CHMP3: variants seen among roughly 807,000 people sequenced by gnomAD.
CHMP3 encodes charged multivesicular body protein 3.
CHMP3 carries 8 observed loss-of-function variants against 27.4 expected under a neutral mutation model. That is an observed-to-expected ratio of 0.29 (90% CI 0.17 to 0.53). The LOEUF (loss-of-function observed/expected upper bound fraction) is 0.53, where lower values mean the gene tolerates loss of function less well. CHMP3 is among the 20% of genes least tolerant of loss of function. The pLI, the probability that CHMP3 is intolerant of heterozygous loss-of-function variation, is 0.96. For missense variants in CHMP3, 208 were observed against 271.5 expected (o/e 0.77, Z 1.64); for synonymous variants, 86 against 85.5 (o/e 1.01, Z -0.03).
intron 1 of CHMP3, among the ~76,000 whole-genome samples, chr2:86,551,390 G>A (rs1006668450): frequency 2.6e-5 from 4 of 151,848 alleles, no homozygotes; most frequent in African/African-American, 9.7e-5. Flanking sequence ...CCAAGTAGCT[G>A]GGACTATAGA....
chr2:86,550,612 T>G (rs943645995), intron 1 of CHMP3, among the ~76,000 whole-genome samples: 1 of 152,260 alleles, frequency 6.6e-6, no homozygotes, highest in Non-Finnish European at 1.5e-5. Context: ...CGTAATCATA[T>G]AAATGGTAAT....
At chr2:86,525,250 A>G (rs1297587914) in intron 3 of CHMP3, among the ~76,000 whole-genome samples, 2 of 152,236 alleles carry the variant, frequency 1.3e-5, no homozygotes, top group East Asian at 3.8e-4. Flanking sequence ...GTACAATTAT[A>G]AAACTATTTC....
At chr2:86,518,718 G>T (rs1394919153) in intron 3 of CHMP3, among the ~76,000 whole-genome samples, 1 of 151,962 alleles carries the variant, frequency 6.6e-6, no homozygotes, top group Non-Finnish European at 1.5e-5. Context: ...TTTCCTCCTA[G>T]TTGTGACAAC....
At chr2:86,508,529 A>T (rs1243572641) in intron 4 of CHMP3, among the ~76,000 whole-genome samples, 2 of 152,114 alleles carry the variant, frequency 1.3e-5, no homozygotes, top group East Asian at 3.9e-4. Flanking sequence ...GGTTTCTGAG[A>T]AGTTGCTAGA....
chr2:86,531,137 G>A (rs969417699), intron 2 of CHMP3, among the ~76,000 whole-genome samples: 8 of 151,834 alleles, frequency 5.3e-5, no homozygotes, highest in Middle Eastern at 3.4e-3. Flanking sequence ...CTTTTCCTCC[G>A]TTGGTAACAT....
At chr2:86,549,877 G>A (rs188882361) in intron 1 of CHMP3, among the ~76,000 whole-genome samples, 11,280 of 148,448 alleles carry the variant, frequency 0.076, 452 homozygotes, top group African/African-American at 0.081. Flanking sequence ...GGGCAGAGGC[G>A]CTCCTCGCCT....
chr2:86,503,849 C>T lies in CHMP3; in HGVS notation c.*1955G>A, dbSNP rs1482050943. 6.6e-6 allele frequency: 1 copy of T among 152,136 alleles called. No individual in the cohort carries two copies. Among genetic ancestry groups the T allele is most frequent in the Non-Finnish European group, 1.5e-5 (1 of 68,034 alleles). The allele number at this position is 152,136 out of a possible 1,614,324, so 9.4% of individuals were successfully genotyped here. On this transcript the variant is annotated 3_prime_UTR_variant, in exon 6 of 6. Transcript: ENST00000263856. Reference sequence around the variant, plus strand: ...TATCCTTAACAAACTAACATAGGAACAGGAAACCAAATATTCCATGTTCTC... The same window carrying T: ...TATCCTTAACAAACTAACATAGGAATAGGAAACCAAATATTCCATGTTCTC...
rs1020848488 is a variant in CHMP3, at chr2:86,505,590, A to G, written c.*214T>C. The G allele has an allele frequency of 1.0e-5, 5 of 496,638 alleles. No individual in the cohort carries two copies. The highest frequency in any genetic ancestry group is 5.9e-5 in the African/African-American group (3 of 50,658). The allele number at this position is 496,638 out of a possible 1,614,324, so 30.8% of individuals were successfully genotyped here. A position where few individuals can be genotyped will look rare whatever the true frequency, so the allele number is the denominator to read the frequency against. Reference sequence around the variant, plus strand: ...TTCTTTCCCCTCCCCACAATAAGATATATCTGTCTATACTCCTAAAAATGA... The same window carrying G: ...TTCTTTCCCCTCCCCACAATAAGATGTATCTGTCTATACTCCTAAAAATGA... On this transcript the variant is annotated 3_prime_UTR_variant, in exon 6 of 6. Transcript: ENST00000263856.
intron 2 of CHMP3, among the ~76,000 whole-genome samples, chr2:86,536,304 T>G (rs1676139920): frequency 6.7e-6 from 1 of 149,336 alleles, no homozygotes; most frequent in Non-Finnish European, 1.5e-5. Context: ...GGCCTAAACC[T>G]TTCTAATTGT....
chr2:86,518,735 T>C (rs1399504555), intron 3 of CHMP3, among the ~76,000 whole-genome samples: 1 of 151,984 alleles, frequency 6.6e-6, no homozygotes, highest in African/African-American at 2.4e-5. Context: ...CAACCAAAAA[T>C]GGCCCCAAAT....
chr2:86,550,406 G>C (rs1185747814), intron 1 of CHMP3, among the ~76,000 whole-genome samples: 1 of 136,566 alleles, frequency 7.3e-6, no homozygotes, highest in African/African-American at 3.4e-5. Flanking sequence ...GAGAGGGGGA[G>C]AGGGAGAAAG....
intron 1 of CHMP3, chr2:86,562,571 T>C (rs1261196971): frequency 1.3e-5 from 2 of 152,242 alleles, no homozygotes; most frequent in Non-Finnish European, 2.9e-5. Flanking sequence ...GGCTTCACAG[T>C]CGAGAAGGCA....
At chr2:86,525,475 G>A (rs1223732513) in intron 3 of CHMP3, among the ~76,000 whole-genome samples, 1 of 151,436 alleles carries the variant, frequency 6.6e-6, no homozygotes, top group East Asian at 1.9e-4. Context: ...TGAGGTTGCA[G>A]TGAGCCGAGA....
intron 3 of CHMP3, among the ~76,000 whole-genome samples, chr2:86,526,773 T>C (rs1444394688): frequency 6.6e-6 from 1 of 152,094 alleles, no homozygotes; most frequent in Non-Finnish European, 1.5e-5. Flanking sequence ...TTTCATTATG[T>C]TTCCCAGGCT....
At position 86,549,983 on chromosome 2, in the gene CHMP3, G is replaced by A. The variant is rs998496931; in HGVS notation, c.46-7671C>T. 7.2e-5 allele frequency among the ~76,000 whole-genome samples: 11 copies of A among 152,316 alleles called. No homozygotes were observed. The South Asian group carries it at 8.3e-4, about 11-fold the overall frequency. ...TCACTTCCCAGACGGGGTGGCGGCCGGGCAGAGGCTGTAATCTTAGCACTT... is the reference window on the plus strand; with the variant it reads ...TCACTTCCCAGACGGGGTGGCGGCCAGGCAGAGGCTGTAATCTTAGCACTT... On this transcript the variant is annotated intron_variant, in intron 1 of 5. Coordinates refer to ENST00000263856, the MANE Select transcript of CHMP3 (RefSeq NM_016079.4).
chr2:86,517,008 C>CG (rs1675333353), intron 3 of CHMP3, among the ~76,000 whole-genome samples: 1 of 151,984 alleles, frequency 6.6e-6, no homozygotes, highest in Non-Finnish European at 1.5e-5. Context: ...ATGTTACTAT[C>CG]GGGGGAAACT....
intron 2 of CHMP3, among the ~76,000 whole-genome samples, chr2:86,532,783 C>T (rs1314452360): frequency 6.6e-6 from 1 of 152,150 alleles, no homozygotes; most frequent in Non-Finnish European, 1.5e-5. Context: ...CAGGATAAAT[C>T]CCACTGGCCG....
Position 86,504,168 on chromosome 2 carries a change from A to G in CHMP3, c.*1636T>C, listed in dbSNP as rs896457666. On this transcript the variant is annotated 3_prime_UTR_variant, in exon 6 of 6. Coordinates refer to ENST00000263856, the MANE Select transcript of CHMP3 (RefSeq NM_016079.4). ...CAGTGAAACTATTCTGTATGATTCT[A>G]TAATTGTAGATATCATCATACATTT... 1 of 152,204 alleles carries G rather than the reference A, an allele frequency of 6.6e-6. No individual in the cohort carries two copies. Among genetic ancestry groups the G allele is most frequent in the Non-Finnish European group, 1.5e-5 (1 of 68,042 alleles). 9.4% of individuals were successfully genotyped at this position (152,204 alleles called of 1,614,324 possible).
At chr2:86,510,286 C>CAAA in intron 4 of CHMP3, 72 bp downstream of exon 4, 1 of 782,942 alleles carries the variant, frequency 1.3e-6, no homozygotes, top group Non-Finnish European at 2.0e-6. Flanking sequence ...CCACCCTCAT[C>CAAA]CCTAGCCCCC....
Sources: allele counts gnomAD v4.1 joint callset (sites outside exome capture counted in the v4.1 genomes callset), GRCh38; gene constraint gnomAD v4.1.1; transcripts MANE v1.5; gene names NCBI Gene and HGNC (gene_info 2026-07-23, HGNC 2026-07-21).